Variants in DMD observed in about 807,000 individuals in gnomAD.
DMD encodes dystrophin.
In DMD, 63 loss-of-function variants were observed where a neutral mutation model predicts 330.1. That is an observed-to-expected ratio of 0.19 (90% CI 0.16 to 0.24). The LOEUF (loss-of-function observed/expected upper bound fraction) is 0.24, where lower values mean the gene tolerates loss of function less well. DMD is among the 10% of genes least tolerant of loss of function. DMD has a pLI of 1.00. For synonymous variants in DMD, 1,223 were observed against 959.8 expected (o/e 1.27, Z -5.07); for missense variants, 3,344 against 2,684.1 (o/e 1.25, Z -5.43).
intron 55 of DMD, among the ~76,000 whole-genome samples, chrX:31,568,081 G>A (rs2075565776): frequency 9.0e-6 from 1 of 111,170 alleles, no homozygotes; most frequent in South Asian, 3.7e-4. Flanking sequence ...AGTGTTTTGA[G>A]GTTTTTCTTT....
intron 1 of DMD, among the ~76,000 whole-genome samples, chrX:33,170,643 G>T (rs915690034): frequency 9.0e-6 from 1 of 111,448 alleles, no homozygotes; most frequent in African/African-American, 3.2e-5. Flanking sequence ...TTATTATTGA[G>T]ATCTTTCATA....
Position 32,845,528 on chromosome X carries a change from C to CAA in DMD, c.187-670_187-669dup, listed in dbSNP as rs774826294. 8.0e-5 allele frequency among the ~76,000 whole-genome samples: 9 copies of CAA among 111,869 alleles called. No individual in the cohort carries two copies. In the South Asian group the frequency reaches 1.5e-3, roughly 18 times the overall value. On this transcript the variant is annotated intron_variant, in intron 3 of 78. Coordinates refer to ENST00000357033, the MANE Select transcript of DMD (RefSeq NM_004006.3). The stretch of plus-strand genomic sequence containing the variant: ...CATTTTCATTTCTTTTACCTTACTA[C>CAA]AAGCCCTTATTAGCTATTGCCCAGA...
At chrX:32,278,597 A>C (rs2097400239) in intron 43 of DMD, among the ~76,000 whole-genome samples, 1 of 111,695 alleles carries the variant, frequency 9.0e-6, no homozygotes, top group African/African-American at 3.3e-5. Context: ...TCTCAAAAGA[A>C]GACATTTATG....
chrX:32,496,484 T>C (rs1314768297), intron 19 of DMD, among the ~76,000 whole-genome samples: 3 of 112,144 alleles, frequency 2.7e-5, no homozygotes, highest in African/African-American at 9.7e-5. Context: ...ATAAAAGTAA[T>C]ACCCCTAGTG....
chrX:31,721,668 A>ATCTCTCTCTCTC (rs1243786404), intron 52 of DMD, among the ~76,000 whole-genome samples: 2 of 32,487 alleles, frequency 6.2e-5, no homozygotes, highest in South Asian at 2.0e-3. Context: ...ATTATTACCA[A>ATCTCTCTCTCTC]TCTCTCTCTC....
chrX:31,959,867 C>A lies in DMD; in HGVS notation c.6614+8472G>T, dbSNP rs1327964809. On this transcript the variant is annotated intron_variant, in intron 45 of 78. Coordinates refer to ENST00000357033, the MANE Select transcript of DMD (RefSeq NM_004006.3). ...GCAACCTCCGCCTCCCGGGTTCGAG[C>A]AACTCTCCCACCTCAGACTCCCATG... is the stretch of plus-strand genomic sequence containing the variant. 8.6e-5 allele frequency among the ~76,000 whole-genome samples: 9 copies of A among 104,686 alleles called. No individual in the cohort carries two copies. In the Admixed American group the frequency reaches 9.5e-4, roughly 11 times the overall value. The allele number at this position is 104,686 out of a possible 115,157, so 90.9% of individuals were successfully genotyped here. A position where few individuals can be genotyped will look rare whatever the true frequency, so the allele number is the denominator to read the frequency against.
intron 9 of DMD, among the ~76,000 whole-genome samples, chrX:32,653,820 C>A (rs1050753471): frequency 7.2e-5 from 8 of 111,501 alleles, no homozygotes; most frequent in East Asian, 5.7e-4. Flanking sequence ...TGTTTGTGTC[C>A]TCTTGTATTT....
chrX:32,434,173 G>T (rs1229904456), intron 29 of DMD, among the ~76,000 whole-genome samples: 2 of 112,271 alleles, frequency 1.8e-5, no homozygotes, highest in East Asian at 2.8e-4. Context: ...CTGCATAATT[G>T]CAGCTATAAG....
chrX:32,167,359 A>G (rs774177187), intron 44 of DMD, among the ~76,000 whole-genome samples: 1 of 112,179 alleles, frequency 8.9e-6, no homozygotes, highest in Non-Finnish European at 1.9e-5. Flanking sequence ...CTTGAAGTCA[A>G]GTACACTTTG....
At chrX:31,576,028 T>C (rs1285314359) in intron 55 of DMD, among the ~76,000 whole-genome samples, 1 of 111,956 alleles carries the variant, frequency 8.9e-6, no homozygotes, top group African/African-American at 3.2e-5. Flanking sequence ...TAAAATAACT[T>C]TACTTTGAAA....
At chrX:32,386,883 A>G in intron 32 of DMD, among the ~76,000 whole-genome samples, 1 of 110,319 alleles carries the variant, frequency 9.1e-6, no homozygotes, top group African/African-American at 3.3e-5. Flanking sequence ...AGTGGTTACT[A>G]TCAATCAGAT....
At chrX:33,171,670 T>A (rs896859210) in intron 1 of DMD, among the ~76,000 whole-genome samples, 1 of 111,608 alleles carries the variant, frequency 9.0e-6, no homozygotes, top group African/African-American at 3.2e-5. Flanking sequence ...GCAAAATAAT[T>A]GAGAAATGAG....
chrX:31,154,648 CA>C (rs1408554241), intron 74 of DMD, among the ~76,000 whole-genome samples: 3 of 111,009 alleles, frequency 2.7e-5, no homozygotes, highest in Non-Finnish European at 3.8e-5. Context: ...CAATTATTAC[CA>C]ATACATATTT....
At chrX:32,264,258 G>T in intron 43 of DMD, among the ~76,000 whole-genome samples, 1 of 111,699 alleles carries the variant, frequency 9.0e-6, no homozygotes, top group South Asian at 3.8e-4. Context: ...GGATGTGTTT[G>T]CTTCTGCTTC....
intron 44 of DMD, among the ~76,000 whole-genome samples, chrX:32,195,605 A>G (rs935980858): frequency 8.9e-6 from 1 of 112,619 alleles, no homozygotes; most frequent in East Asian, 2.8e-4. Flanking sequence ...TATGATTTAC[A>G]AATAAATGTA....
intron 55 of DMD, among the ~76,000 whole-genome samples, chrX:31,510,879 C>A (rs1275303903): frequency 9.0e-6 from 1 of 111,382 alleles, no homozygotes; most frequent in African/African-American, 3.3e-5. Flanking sequence ...AATGTTCACA[C>A]TGAAAAGGTC....
chrX:32,464,735 G>T, intron 23 of DMD, 36 bp from the exon 24 acceptor site: 1 of 968,051 alleles, frequency 1.0e-6, no homozygotes, highest in Non-Finnish European at 1.5e-6. Context: ...TTACTGGTGT[G>T]CTGATTACTT....
At chrX:33,297,255 T>A (rs1013581028) in intron 1 of DMD, among the ~76,000 whole-genome samples, 1 of 109,840 alleles carries the variant, frequency 9.1e-6, no homozygotes, top group African/African-American at 3.3e-5. Flanking sequence ...GTAGACAGAC[T>A]TTTTTTTTGA....
chrX:31,841,866 T>C (rs1361490859), intron 48 of DMD, among the ~76,000 whole-genome samples: 1 of 112,465 alleles, frequency 8.9e-6, no homozygotes. Flanking sequence ...GATGAAGATG[T>C]ACCAAGAGAT....
Sources: gnomAD v4.1 joint callset for allele counts (sites outside exome capture counted in the v4.1 genomes callset) on GRCh38, gnomAD v4.1.1 for gene constraint, MANE v1.5 for transcripts, NCBI Gene and HGNC (gene_info 2026-07-23, HGNC 2026-07-21) for gene names.